Variants in PLPPR1 observed in about 807,000 individuals in gnomAD.
PLPPR1 encodes the protein phospholipid phosphatase related 1, also known as phospholipid phosphatase-related protein type 1.
In PLPPR1, 10 loss-of-function variants were observed where a neutral mutation model predicts 33.1. That is an observed-to-expected ratio of 0.30 (90% confidence interval 0.19 to 0.51). The LOEUF (loss-of-function observed/expected upper bound fraction) is 0.51, where lower values mean the gene tolerates loss of function less well. PLPPR1 is among the 20% of genes least tolerant of loss of function. The pLI is 0.97. For missense variants in PLPPR1, 304 were observed against 408.1 expected, an observed-to-expected ratio of 0.74 and a Z score of 2.20; for synonymous variants, 151 against 151.0, an observed-to-expected ratio of 1.00 and a Z score of 0.00.
At chr9:101,043,450 CAT>C (rs1005110553) in intron 1 of PLPPR1, among the ~76,000 whole-genome samples, 3 of 150,892 alleles carry the variant, frequency 2.0e-5, no homozygotes, top group African/African-American at 4.9e-5. Context: ...TATGCATACA[CAT>C]ATATACATAT....
chr9:101,294,793 G>A (rs1828590052), intron 4 of PLPPR1, among the ~76,000 whole-genome samples: 2 of 151,918 alleles, frequency 1.3e-5, no homozygotes, highest in African/African-American at 4.8e-5. Context: ...GTATTGATGG[G>A]ACGTATCTCA....
chr9:101,309,949 T>C (rs186246721), intron 5 of PLPPR1, among the ~76,000 whole-genome samples: 1 of 152,294 alleles, frequency 6.6e-6, no homozygotes, highest in African/African-American at 2.4e-5. Context: ...CAGCTTTCCT[T>C]TGCTCTGGCA....
intron 1 of PLPPR1, among the ~76,000 whole-genome samples, chr9:101,042,052 A>T (rs1229473604): frequency 6.6e-6 from 1 of 152,188 alleles, no homozygotes; most frequent in African/African-American, 2.4e-5. Flanking sequence ...GAGAAAATAT[A>T]ATTTATAGAA....
chr9:101,286,191 T>A lies in PLPPR1; in HGVS notation c.340T>A (p.Cys114Ser). 1 of 1,613,868 alleles carries A rather than the reference T, an allele frequency of 6.2e-7. No individual in the cohort carries two copies. Among genetic ancestry groups the A allele is most frequent in the Non-Finnish European group, 8.5e-7 (1 of 1,179,772 alleles). The change falls in exon 4 of 8, where the codon TGC becomes AGC. Residue 114 changes from cysteine to serine, a missense_variant. Transcript: ENST00000374874. ...AQEKTILTGE[C>S]CYLNPLLRRI... is the part of the protein sequence containing the mutation. Reference sequence around the variant, plus strand: ...GGAGAAAACAATTCTGACCGGAGAATGCTGTTACCTGAACCCCTTACTTCG... The same window carrying A: ...GGAGAAAACAATTCTGACCGGAGAAAGCTGTTACCTGAACCCCTTACTTCG...
chr9:101,212,930 C>T (rs1430067070), intron 2 of PLPPR1, among the ~76,000 whole-genome samples: 1 of 152,082 alleles, frequency 6.6e-6, no homozygotes, highest in Non-Finnish European at 1.5e-5. Context: ...TTCTTTTATG[C>T]CAGTCATTCT....
At chr9:101,044,024 A>C (rs1830115455) in intron 1 of PLPPR1, among the ~76,000 whole-genome samples, 1 of 152,226 alleles carries the variant, frequency 6.6e-6, no homozygotes, top group South Asian at 2.1e-4. Context: ...AGACTTAATT[A>C]AACTAAAGAG....
chr9:101,265,109 C>T (rs904938263), intron 2 of PLPPR1, among the ~76,000 whole-genome samples: 1 of 152,166 alleles, frequency 6.6e-6, no homozygotes, highest in Non-Finnish European at 1.5e-5. Context: ...GTGACCTTCA[C>T]AATTATTGCT....
At chr9:101,057,360 C>G (rs1251164573) in intron 1 of PLPPR1, among the ~76,000 whole-genome samples, 2 of 152,000 alleles carry the variant, frequency 1.3e-5, no homozygotes, top group Middle Eastern at 3.2e-3. Flanking sequence ...CTGTAAGTAG[C>G]AATATCATTT....
chr9:101,050,124 G>GAAAAAAAAAAAAAAA (rs35688096), intron 1 of PLPPR1, among the ~76,000 whole-genome samples: 1 of 35,180 alleles, frequency 2.8e-5, no homozygotes. Flanking sequence ...CTCCAACTCA[G>GAAAAAAAAAAAAAAA]AAAAAAAAAA....
At chr9:101,287,960 T>TA (rs1235700001) in intron 4 of PLPPR1, among the ~76,000 whole-genome samples, 4 of 152,210 alleles carry the variant, frequency 2.6e-5, no homozygotes, top group Admixed American at 2.6e-4. Context: ...CCTGTATATA[T>TA]AATTAAAGCA....
intron 1 of PLPPR1, among the ~76,000 whole-genome samples, chr9:101,101,440 C>T (rs1047200745): frequency 6.6e-6 from 1 of 151,524 alleles, no homozygotes; most frequent in Non-Finnish European, 1.5e-5. Flanking sequence ...CCTTTTGGTC[C>T]AGCTGCAGCT....
At chr9:101,316,992 G>A (rs1829065936) in intron 6 of PLPPR1, among the ~76,000 whole-genome samples, 1 of 152,132 alleles carries the variant, frequency 6.6e-6, no homozygotes, top group Non-Finnish European at 1.5e-5. Flanking sequence ...ATTGTTGGGT[G>A]GGTTAAGTGA....
intron 1 of PLPPR1, among the ~76,000 whole-genome samples, chr9:101,029,713 G>T (rs1043210726): frequency 1.3e-5 from 2 of 152,132 alleles, no homozygotes; most frequent in Admixed American, 1.3e-4. Context: ...CCGGGGTGAG[G>T]CTCGGGTCAG....
At chr9:101,251,724 AC>A (rs142112105) in intron 2 of PLPPR1, among the ~76,000 whole-genome samples, 2,047 of 152,200 alleles carry the variant, frequency 0.013, 51 homozygotes, top group African/African-American at 0.047. Flanking sequence ...GTTCATCAAG[AC>A]TTTTTGGTTG....
chr9:101,229,625 T>A (rs1442875873), intron 2 of PLPPR1, among the ~76,000 whole-genome samples: 3 of 152,160 alleles, frequency 2.0e-5, no homozygotes, highest in Non-Finnish European at 4.4e-5. Context: ...TAAAATACTC[T>A]TTTAAAATAA....
At chr9:101,071,605 G>GGAGAGAGAGAGAGA (rs3080736) in intron 1 of PLPPR1, among the ~76,000 whole-genome samples, 22 of 149,114 alleles carry the variant, frequency 1.5e-4, no homozygotes, top group African/African-American at 5.2e-4. Context: ...GGAGTGAGAA[G>GGAGAGAGAGAGAGA]GAGAGAGAGA....
At position 101,252,618 on chromosome 9, in the gene PLPPR1, G is replaced by C. The variant is rs922829871; in HGVS notation, c.64-17262G>C. Among the ~76,000 whole-genome samples, 23 of 152,090 alleles carry C rather than the reference G, an allele frequency of 1.5e-4. 1 individual carries two copies. Among genetic ancestry groups the C allele is most frequent in the Admixed American group, 1.3e-3 (20 of 15,260 alleles). On this transcript the variant is annotated intron_variant, in intron 2 of 7. Coordinates refer to ENST00000374874, the MANE Select transcript of PLPPR1 (RefSeq NM_207299.2). ...CATTGAGATTTACCTGTTTTAATTAGAAAAACAAACTGCTTGACCTGAGAG... is the reference window on the plus strand; with the variant it reads ...CATTGAGATTTACCTGTTTTAATTACAAAAACAAACTGCTTGACCTGAGAG...
chr9:101,229,858 C>CTGACT lies in PLPPR1; in HGVS notation c.64-40020_64-40016dup, dbSNP rs1434422445. Among the ~76,000 whole-genome samples the CTGACT allele has an allele frequency of 4.6e-5, 7 of 152,258 alleles. 1 individual carries two copies. The South Asian group carries it at 1.2e-3, about 27-fold the overall frequency. Reference sequence around the variant, plus strand: ...GGAGAGGCAATTTGACTATTGCCTTCTGACTTTAATTAATGTTTAATACTC... The same window carrying CTGACT: ...GGAGAGGCAATTTGACTATTGCCTTCTGACTTGACTTTAATTAATGTTTAATACTC... On this transcript the variant is annotated intron_variant, in intron 2 of 7. Transcript: ENST00000374874.
At chr9:101,290,263 G>A (rs576777133) in intron 4 of PLPPR1, among the ~76,000 whole-genome samples, 13 of 152,172 alleles carry the variant, frequency 8.5e-5, no homozygotes, top group Middle Eastern at 3.4e-3. Flanking sequence ...TACATACTAC[G>A]CAATTGACAT....
Sources: allele counts gnomAD v4.1 joint callset (sites outside exome capture counted in the v4.1 genomes callset), GRCh38; gene constraint gnomAD v4.1.1; transcripts MANE v1.5; gene names NCBI Gene and HGNC (gene_info 2026-07-23, HGNC 2026-07-21).